Variants in FBN1 observed in about 807,000 individuals in gnomAD.
The protein encoded by FBN1 is fibrillin 1.
Under a neutral mutation model 365.1 loss-of-function variants are expected in FBN1, and 29 were observed. The observed-to-expected ratio is 0.08, with a 90% confidence interval of 0.06 to 0.11. The LOEUF (loss-of-function observed/expected upper bound fraction) is 0.11, where lower values mean the gene tolerates loss of function less well. Ranked by LOEUF, FBN1 falls within the 10% of genes least tolerant of loss-of-function variation. The pLI is 1.00. For synonymous variants in FBN1, 1,210 were observed against 1,270.5 expected (o/e 0.95, Z 1.01); for missense variants, 2,476 against 3,703.2 (o/e 0.67, Z 8.60).
intron 63 of FBN1, 105 bp from the exon 64 acceptor site, chr15:48,415,872 T>C: frequency 1.1e-6 from 1 of 915,400 alleles, no homozygotes; most frequent in Non-Finnish European, 1.8e-6. Context: ...TCAGCTAGGC[T>C]CTCAGGAAGG....
chr15:48,526,694 T>C (rs1451214383), intron 8 of FBN1, among the ~76,000 whole-genome samples: 2 of 152,198 alleles, frequency 1.3e-5, no homozygotes. Flanking sequence ...GATACTGGAA[T>C]CCTACAGAAG....
intron 2 of FBN1, among the ~76,000 whole-genome samples, chr15:48,628,359 C>A: frequency 6.6e-6 from 1 of 151,620 alleles, no homozygotes; most frequent in Non-Finnish European, 1.5e-5. Flanking sequence ...TACAAAAATT[C>A]ACTTCTGAAT....
chr15:48,581,071 C>T lies in FBN1; in HGVS notation c.538+15212G>A, dbSNP rs140346390. ...ACAAATCATGCACTACACCATCAACCCATGTCCTATTGCAAAAAGTGATCA... is the reference window on the plus strand; with the variant it reads ...ACAAATCATGCACTACACCATCAACTCATGTCCTATTGCAAAAAGTGATCA... On this transcript the variant is annotated intron_variant, in intron 6 of 65. Coordinates refer to ENST00000316623, the MANE Select transcript of FBN1 (RefSeq NM_000138.5). Among the ~76,000 whole-genome samples the T allele has an allele frequency of 6.6e-3, 1,008 of 152,242 alleles. 15 individuals are homozygous for T. The highest frequency in any genetic ancestry group is 0.023 in the African/African-American group (960 of 41,536).
intron 51 of FBN1, 167 bp from the exon 52 acceptor site, chr15:48,437,554 T>C (rs2043083155): frequency 1.3e-5 from 10 of 799,804 alleles, no homozygotes; most frequent in African/African-American, 5.1e-5. Flanking sequence ...CCCTAAGATG[T>C]TGTGTCTACT....
chr15:48,469,470 T>A (rs576404427), intron 36 of FBN1, among the ~76,000 whole-genome samples: 1 of 152,184 alleles, frequency 6.6e-6, no homozygotes, highest in Non-Finnish European at 1.5e-5. Flanking sequence ...ATTCCAGATA[T>A]TTAGGACATG....
At chr15:48,435,754 GTGTATA>G (rs2043064419) in intron 53 of FBN1, among the ~76,000 whole-genome samples, 4 of 20,212 alleles carry the variant, frequency 2.0e-4, no homozygotes, top group South Asian at 2.5e-3. Context: ...ATATATATGT[GTGTATA>G]TATATGTGTA....
At chr15:48,522,278 A>G (rs1357121264) in intron 9 of FBN1, among the ~76,000 whole-genome samples, 1 of 152,066 alleles carries the variant, frequency 6.6e-6, no homozygotes, top group Non-Finnish European at 1.5e-5. Context: ...GTATTAATTA[A>G]TTTAATACAC....
chr15:48,633,480 G>A (rs532315817), intron 2 of FBN1, among the ~76,000 whole-genome samples: 1 of 152,274 alleles, frequency 6.6e-6, no homozygotes, highest in South Asian at 2.1e-4. Flanking sequence ...GCGGGGAGGA[G>A]TCATGCTTCC....
intron 6 of FBN1, among the ~76,000 whole-genome samples, chr15:48,578,754 G>C (rs1283832055): frequency 2.8e-5 from 4 of 145,370 alleles, no homozygotes; most frequent in African/African-American, 1.0e-4. Context: ...ACTATCGCAA[G>C]AACAAAAAAC....
rs2044651415 is a variant in FBN1 at position 48,610,888 on chromosome 15, C to G, written c.248-62G>C. ...TGGAACACGATTTGTTATAGGGGAC[C>G]AATCCTCAAATGAGGAAACCTGGGT... On this transcript the variant is annotated intron_variant, in intron 3 of 65. Coordinates refer to ENST00000316623, the MANE Select transcript of FBN1 (RefSeq NM_000138.5). The G allele has an allele frequency of 4.3e-6, 6 of 1,410,184 alleles. No homozygotes were observed. In the Admixed American group the frequency reaches 1.0e-4, roughly 25 times the overall value. 87.4% of individuals were successfully genotyped at this position (1,410,184 alleles called of 1,614,324 possible).
At chr15:48,606,373 TACATCCATAGCATGTAC>T (rs2044609786) in intron 4 of FBN1, among the ~76,000 whole-genome samples, 1 of 152,186 alleles carries the variant, frequency 6.6e-6, no homozygotes, top group Admixed American at 6.5e-5. Flanking sequence ...AAACTTGTGG[TACATCCATAGCATGTAC>T]TACTACTCAG....
chr15:48,511,711 A>G (rs1206267046), intron 13 of FBN1, among the ~76,000 whole-genome samples: 1 of 152,126 alleles, frequency 6.6e-6, no homozygotes, highest in Non-Finnish European at 1.5e-5. Context: ...CACGTTCTCA[A>G]CTTCTTATTT....
At chr15:48,580,321 C>T (rs915730797) in intron 6 of FBN1, among the ~76,000 whole-genome samples, 4 of 152,176 alleles carry the variant, frequency 2.6e-5, no homozygotes, top group African/African-American at 4.8e-5. Context: ...CTATGAAACA[C>T]GTGGTAGAGC....
intron 6 of FBN1, among the ~76,000 whole-genome samples, chr15:48,576,224 C>A (rs2044346344): frequency 6.6e-6 from 1 of 152,230 alleles, no homozygotes; most frequent in Non-Finnish European, 1.5e-5. Flanking sequence ...GTTTCCCTGA[C>A]AACGTTGTCT....
chr15:48,472,403 C>CTGA, intron 35 of FBN1, 148 bp downstream of exon 35: 1 of 1,068,848 alleles, frequency 9.4e-7, no homozygotes. Context: ...GAAACCTAAT[C>CTGA]CCTCTACAAA....
chr15:48,494,374 G>A, intron 22 of FBN1, 120 bp from the exon 23 acceptor site: 1 of 765,506 alleles, frequency 1.3e-6, no homozygotes, highest in South Asian at 1.4e-5. Context: ...AGTAGATTGT[G>A]TTGCTATAAG....
At chr15:48,440,525 G>A (rs75520495) in intron 50 of FBN1, among the ~76,000 whole-genome samples, 2,522 of 152,114 alleles carry the variant, frequency 0.017, 80 homozygotes, top group African/African-American at 0.058. Context: ...ATATCTGTTC[G>A]AATTAAGCAC....
intron 53 of FBN1, 83 bp from the exon 54 acceptor site, chr15:48,434,796 T>TTTGTTG: frequency 6.5e-7 from 1 of 1,533,040 alleles, no homozygotes; most frequent in Non-Finnish European, 8.9e-7. Flanking sequence ...AAACTGTAAT[T>TTTGTTG]TTGTTGTTGT....
chr15:48,497,083 CTG>C (rs965965660), intron 19 of FBN1, among the ~76,000 whole-genome samples, 181 bp downstream of exon 19: 1 of 152,156 alleles, frequency 6.6e-6, no homozygotes, highest in Non-Finnish European at 1.5e-5. Context: ...TATTCATAAA[CTG>C]TGAAGATTCA....
Sources: gnomAD v4.1 joint callset for allele counts (sites outside exome capture counted in the v4.1 genomes callset) on GRCh38, gnomAD v4.1.1 for gene constraint, MANE v1.5 for transcripts, NCBI Gene and HGNC (gene_info 2026-07-23, HGNC 2026-07-21) for gene names.